KCNIP4: variants seen among roughly 807,000 people sequenced by gnomAD.
KCNIP4 encodes potassium voltage-gated channel interacting protein 4, also known as Kv channel-interacting protein 4.
In KCNIP4, 12 loss-of-function variants were observed where a neutral mutation model predicts 34.0. The ratio of observed to expected loss-of-function variants is 0.35; its 90% confidence interval spans 0.23 to 0.57. The LOEUF (loss-of-function observed/expected upper bound fraction) is 0.57, where lower values mean the gene tolerates loss of function less well. Among genes scored for constraint, KCNIP4 ranks in the 20% least tolerant of loss-of-function variants. The probability of loss-of-function intolerance (pLI) is 0.83; values close to 1 mark genes in which losing one functional copy is unlikely to be tolerated. For missense variants in KCNIP4, 238 were observed against 311.7 expected, an observed-to-expected ratio of 0.76 and a Z score of 1.78; for synonymous variants, 124 against 102.2, an observed-to-expected ratio of 1.21 and a Z score of -1.29.
chr4:21,620,924 C>A (rs1744956619), intron 1 of KCNIP4, among the ~76,000 whole-genome samples: 1 of 152,214 alleles, frequency 6.6e-6, no homozygotes. Flanking sequence ...GCTTCCCCAG[C>A]TCTGGGCCTG....
chr4:21,743,712 C>T (rs1345933954), intron 1 of KCNIP4, among the ~76,000 whole-genome samples: 2 of 149,782 alleles, frequency 1.3e-5, no homozygotes, highest in Non-Finnish European at 1.5e-5. Flanking sequence ...TATTATAATT[C>T]AACTTGAGTG....
At chr4:20,762,009 A>G (rs1041851090) in intron 3 of KCNIP4, among the ~76,000 whole-genome samples, 10 of 152,200 alleles carry the variant, frequency 6.6e-5, no homozygotes, top group African/African-American at 1.9e-4. Flanking sequence ...CCTCTATCCA[A>G]CTAGAAGAAT....
At chr4:21,862,078 A>G (rs1206850112) in intron 1 of KCNIP4, among the ~76,000 whole-genome samples, 1 of 152,166 alleles carries the variant, frequency 6.6e-6, no homozygotes, top group Non-Finnish European at 1.5e-5. Flanking sequence ...CTCCCCAAGA[A>G]GTAGCCTGGA....
At chr4:20,750,667 G>A (rs959599973) in intron 4 of KCNIP4, among the ~76,000 whole-genome samples, 2 of 151,604 alleles carry the variant, frequency 1.3e-5, no homozygotes, top group Non-Finnish European at 2.9e-5. Flanking sequence ...ATTGTTTTCT[G>A]TTCTGAGTGC....
intron 1 of KCNIP4, among the ~76,000 whole-genome samples, chr4:21,468,882 A>G (rs1015436108): frequency 2.0e-5 from 3 of 152,172 alleles, no homozygotes; most frequent in Admixed American, 6.5e-5. Context: ...GTATTTGTGC[A>G]CAAGTTTGTC....
chr4:21,775,537 C>T (rs114958654), intron 1 of KCNIP4, among the ~76,000 whole-genome samples: 2,610 of 152,244 alleles, frequency 0.017, 81 homozygotes, highest in African/African-American at 0.059. Flanking sequence ...GTCTGGGCTG[C>T]CCAGATTCCT....
intron 1 of KCNIP4, among the ~76,000 whole-genome samples, chr4:21,212,653 G>A (rs576615561): frequency 1.6e-4 from 24 of 152,220 alleles, no homozygotes; most frequent in South Asian, 1.5e-3. Flanking sequence ...TCTGGTGAGG[G>A]CCCATTTCCT....
chr4:21,578,310 G>A (rs566391789), intron 1 of KCNIP4, among the ~76,000 whole-genome samples: 98 of 121,742 alleles, frequency 8.0e-4, no homozygotes, highest in Non-Finnish European at 1.4e-3. Context: ...TCCAACCTGG[G>A]TGACAGAGCG....
intron 1 of KCNIP4, among the ~76,000 whole-genome samples, chr4:21,474,932 C>T (rs1730808880): frequency 1.4e-5 from 2 of 144,272 alleles, no homozygotes; most frequent in South Asian, 2.3e-4. Flanking sequence ...ACCTGGGAGG[C>T]GGAGGTTGCA....
At chr4:21,798,404 CATATATATAT>C (rs112991875) in intron 1 of KCNIP4, among the ~76,000 whole-genome samples, 2,837 of 129,664 alleles carry the variant, frequency 0.022, 111 homozygotes, top group African/African-American at 0.07. Context: ...CAAAAAAATA[CATATATATAT>C]ATATATATAT....
chr4:20,781,617 G>C (rs1288983337), intron 3 of KCNIP4, among the ~76,000 whole-genome samples: 1 of 152,178 alleles, frequency 6.6e-6, no homozygotes, highest in Non-Finnish European at 1.5e-5. Context: ...GATCTCATGA[G>C]ACTTATTCGC....
At chr4:21,938,617 T>A (rs999615311) in intron 1 of KCNIP4, among the ~76,000 whole-genome samples, 2 of 152,176 alleles carry the variant, frequency 1.3e-5, no homozygotes, top group Non-Finnish European at 2.9e-5. Flanking sequence ...TAACAAACCA[T>A]GTGATTATGA....
chr4:21,417,392 T>A (rs1560384902), intron 1 of KCNIP4, among the ~76,000 whole-genome samples: 2 of 151,804 alleles, frequency 1.3e-5, no homozygotes, highest in South Asian at 2.1e-4. Context: ...TTAAAAAAAA[T>A]AAAATAAAAA....
intron 3 of KCNIP4, among the ~76,000 whole-genome samples, chr4:20,801,808 T>C (rs1486129528): frequency 6.6e-6 from 1 of 151,882 alleles, no homozygotes; most frequent in Non-Finnish European, 1.5e-5. Context: ...AAAGAAATAA[T>C]AAAATGACAG....
intron 1 of KCNIP4, among the ~76,000 whole-genome samples, chr4:21,634,431 G>A (rs1290855747): frequency 1.3e-5 from 2 of 151,826 alleles, no homozygotes; most frequent in Non-Finnish European, 2.9e-5. Flanking sequence ...ACATACGCTA[G>A]AAACAGAAAA....
At chr4:21,806,129 A>T (rs1721277604) in intron 1 of KCNIP4, among the ~76,000 whole-genome samples, 3 of 152,206 alleles carry the variant, frequency 2.0e-5, no homozygotes, top group Admixed American at 6.5e-5. Context: ...TTACCAAAAC[A>T]TTATATACTC....
At chr4:21,645,966 T>C (rs1177418232) in intron 1 of KCNIP4, among the ~76,000 whole-genome samples, 1 of 152,176 alleles carries the variant, frequency 6.6e-6, no homozygotes, top group Non-Finnish European at 1.5e-5. Context: ...CAAATGCACT[T>C]TGTTATCTGT....
chr4:21,054,707 C>CAAAAAAAA (rs34366909), intron 1 of KCNIP4, among the ~76,000 whole-genome samples: 9 of 86,200 alleles, frequency 1.0e-4, no homozygotes, highest in Non-Finnish European at 1.7e-4. Flanking sequence ...TACTCACATG[C>CAAAAAAAA]AAAAAAAAAA....
Position 21,079,213 on chromosome 4 carries a change from A to T in KCNIP4, c.62-196504T>A, listed in dbSNP as rs527673798. Among the ~76,000 whole-genome samples, 27 of 152,050 alleles carry T rather than the reference A, an allele frequency of 1.8e-4. No homozygotes were observed. The South Asian group carries it at 5.4e-3, about 30-fold the overall frequency. Reference sequence around the variant, plus strand: ...GGCCACTTTTGACAACACATCTATGACCCATTTTTTGGCATCTCACACAAT... The same window carrying T: ...GGCCACTTTTGACAACACATCTATGTCCCATTTTTTGGCATCTCACACAAT... On this transcript the variant is annotated intron_variant, in intron 1 of 8. Coordinates refer to ENST00000382152, the MANE Select transcript of KCNIP4 (RefSeq NM_025221.6).
Sources: gnomAD v4.1 joint callset for allele counts (sites outside exome capture counted in the v4.1 genomes callset) on GRCh38, gnomAD v4.1.1 for gene constraint, MANE v1.5 for transcripts, NCBI Gene and HGNC (gene_info 2026-07-23, HGNC 2026-07-21) for gene names.